ZNF471: variants seen among roughly 807,000 people sequenced by gnomAD.
ZNF471 encodes the protein EZFIT-related protein 1.
Under a neutral mutation model 13.7 loss-of-function variants are expected in ZNF471, and 7 were observed. The observed-to-expected ratio is 0.51, with a 90% confidence interval of 0.29 to 0.96. ZNF471 has a LOEUF of 0.96. ZNF471 is among the 40% of genes least tolerant of loss of function. The probability of loss-of-function intolerance (pLI) is 0.08; values close to 1 mark genes in which losing one functional copy is unlikely to be tolerated. For synonymous variants in ZNF471, 218 were observed against 235.6 expected (o/e 0.93, Z 0.68); for missense variants, 663 against 743.3 (o/e 0.89, Z 1.26).
intron 1 of ZNF471, chr19:56,509,716 TGTGTG>T (rs1568470642): frequency 1.0e-5 from 1 of 97,154 alleles, no homozygotes; most frequent in South Asian, 3.2e-4. Context: ...GCTTGCCTGG[TGTGTG>T]TGTGTGTGTG....
At position 56,528,214 on chromosome 19, in the gene ZNF471, T is replaced by G. The variant is rs567021559; in HGVS notation, c.*2266T>G. The G allele has an allele frequency of 6.6e-6, 1 of 152,320 alleles. No homozygotes were observed. The highest frequency in any genetic ancestry group is 1.9e-4 in the East Asian group (1 of 5,184). The allele number at this position is 152,320 out of a possible 1,614,324, so 9.4% of individuals were successfully genotyped here. ...TACAGCCACAGTGACCTTTCAAAAA[T>G]GCAAATTAAGTTACTCTTAAAACTC... is the stretch of plus-strand genomic sequence containing the variant. On this transcript the variant is annotated 3_prime_UTR_variant, in exon 5 of 5. Coordinates refer to ENST00000308031, the MANE Select transcript of ZNF471 (RefSeq NM_020813.4).
Position 56,516,154 on chromosome 19 carries a change from C to G in ZNF471, c.34-121C>G. 7 of 1,001,678 alleles carry G rather than the reference C, an allele frequency of 7.0e-6. No individual in the cohort carries two copies. Among genetic ancestry groups the G allele is most frequent in the Non-Finnish European group, 1.0e-5 (7 of 675,164 alleles). The allele number at this position is 1,001,678 out of a possible 1,614,324, so 62.0% of individuals were successfully genotyped here. On this transcript the variant is annotated intron_variant, in intron 2 of 4. Transcript: ENST00000308031. This position sits in a 1 kb window ranked among gnomAD's most constrained non-coding sequence, Gnocchi z 4.4. The stretch of plus-strand genomic sequence containing the variant: ...AAGTACTGTTTTGGCTTGGATCTTC[C>G]TATTTATGTTTTTTCTCTTCTATGA...
At position 56,522,043 on chromosome 19, in the gene ZNF471, T is replaced by C. The variant is rs1400673078; in HGVS notation, c.257-2281T>C. ...AAAATACCATTGTGCTTCAGTTGCC[T>C]ATAGTATTCAGTGGTAACATGTTGT... On this transcript the variant is annotated intron_variant, in intron 4 of 4. Transcript: ENST00000308031. This position sits in a 1 kb window ranked among gnomAD's most constrained non-coding sequence, Gnocchi z 4.1. 6.6e-6 allele frequency among the ~76,000 whole-genome samples: 1 copy of C among 152,222 alleles called. No individual in the cohort carries two copies. The highest frequency in any genetic ancestry group is 2.4e-5 in the African/African-American group (1 of 41,466).
At chr19:56,521,653 A>AC (rs35232885) in intron 4 of ZNF471, among the ~76,000 whole-genome samples, 1 of 90,406 alleles carries the variant, frequency 1.1e-5, no homozygotes, top group African/African-American at 4.1e-5. Flanking sequence ...AAAAAAAAAA[A>AC]AAAAAACTCT....
At chr19:56,517,849 T>C (rs2043914890) in intron 3 of ZNF471, among the ~76,000 whole-genome samples, 3 of 152,230 alleles carry the variant, frequency 2.0e-5, no homozygotes, top group African/African-American at 7.2e-5. Flanking sequence ...GATGTTATAT[T>C]TGTTAAATTA....
chr19:56,526,699 TAGGTGGTTTTCCCCTCAC>T lies in ZNF471; in HGVS notation c.*754_*771del, dbSNP rs1318850926. 2 of 152,192 alleles carry T rather than the reference TAGGTGGTTTTCCCCTCAC, an allele frequency of 1.3e-5. No individual in the cohort carries two copies. The highest frequency in any genetic ancestry group is 2.4e-5 in the African/African-American group (1 of 41,412). The allele number at this position is 152,192 out of a possible 1,614,324, so 9.4% of individuals were successfully genotyped here. A position where few individuals can be genotyped will look rare whatever the true frequency, so the allele number is the denominator to read the frequency against. On this transcript the variant is annotated 3_prime_UTR_variant, in exon 5 of 5. Coordinates refer to ENST00000308031, the MANE Select transcript of ZNF471 (RefSeq NM_020813.4). ...GCGCCAACCATTACCAAAGCTTGAATAGGTGGTTTTCCCCTCACAGCGTAAACAAAGCCATGGGGAAGT... is the reference window on the plus strand; with the variant it reads ...GCGCCAACCATTACCAAAGCTTGAATAGCGTAAACAAAGCCATGGGGAAGT...
intron 2 of ZNF471, among the ~76,000 whole-genome samples, chr19:56,513,992 T>C (rs1320712717): frequency 6.6e-6 from 1 of 151,986 alleles, no homozygotes; most frequent in Non-Finnish European, 1.5e-5. Flanking sequence ...TGAACCAATA[T>C]TGATATGTTA....
Position 56,516,191 on chromosome 19 carries a change from C to A in ZNF471, c.34-84C>A. The A allele has an allele frequency of 7.2e-7, 1 of 1,384,678 alleles. No individual in the cohort carries two copies. The highest frequency in any genetic ancestry group is 1.0e-6 in the Non-Finnish European group (1 of 994,604). The allele number at this position is 1,384,678 out of a possible 1,614,324, so 85.8% of individuals were successfully genotyped here. Reference sequence around the variant, plus strand: ...TTTCTCTTCTATGAGTTATTTCTCACCTAAAGTAGAGACACTTTGGATCAA... The same window carrying A: ...TTTCTCTTCTATGAGTTATTTCTCAACTAAAGTAGAGACACTTTGGATCAA... On this transcript the variant is annotated intron_variant, in intron 2 of 4. Coordinates refer to ENST00000308031, the MANE Select transcript of ZNF471 (RefSeq NM_020813.4). The surrounding 1 kb of genome is among the most constrained non-coding windows in gnomAD (Gnocchi z 4.4).
chr19:56,525,912 T>C lies in ZNF471; in HGVS notation c.1845T>C (p.Ile615=), dbSNP rs1339597841. The change falls in exon 5 of 5, where the codon ATT becomes ATC. Residue 615 remains isoleucine (I), a synonymous_variant. Transcript: ENST00000308031. The part of the protein sequence containing the change: ...GKAFRRKLSL[I]CHQRSHTGEE... ...CGTTCAGAAGAAAGTTATCCTTAAT[T>C]TGTCATCAAAGAAGTCATACTGGAG... 6.3e-7 allele frequency: 1 copy of C among 1,576,596 alleles called. No homozygotes were observed. The highest frequency in any genetic ancestry group is 1.2e-5 in the South Asian group (1 of 84,572).
chr19:56,518,872 A>G (rs1014986579), intron 4 of ZNF471, among the ~76,000 whole-genome samples: 2 of 152,146 alleles, frequency 1.3e-5, no homozygotes, highest in Non-Finnish European at 2.9e-5. Flanking sequence ...TCGCTTTGCC[A>G]TACAGACTTA....
chr19:56,525,240 T>TCTG lies in ZNF471; in HGVS notation c.1175_1177dup (p.Leu392dup), dbSNP rs1468233961. 6.2e-7 allele frequency: 1 copy of TCTG among 1,614,134 alleles called. No individual in the cohort carries two copies. Among genetic ancestry groups the TCTG allele is most frequent in the South Asian group, 1.1e-5 (1 of 91,078 alleles). On this transcript the variant is annotated inframe_insertion, in exon 5 of 5. Transcript: ENST00000308031. ...CCTTCAGTGTTCACATAGGACTTAT[T>TCTG]CTGCATAGGAGAATTCATACAGGAG...
chr19:56,511,637 G>T lies in ZNF471; in HGVS notation c.33+33G>T, dbSNP rs764424368. On this transcript the variant is annotated intron_variant, in intron 2 of 4. Transcript: ENST00000308031. ...GATATTTTCTTTCTCTTCATGAAAG[G>T]CAGTCTTGCTGTTTAGGACTTTTTG... is the stretch of plus-strand genomic sequence containing the variant. 1.9e-6 allele frequency: 3 copies of T among 1,555,926 alleles called. No homozygotes were observed. In the South Asian group the frequency reaches 3.3e-5, roughly 17 times the overall value.
intron 4 of ZNF471, among the ~76,000 whole-genome samples, chr19:56,521,405 G>A (rs8103599): frequency 2.0e-5 from 3 of 152,254 alleles, no homozygotes; most frequent in African/African-American, 7.2e-5. Flanking sequence ...TTGGGAGGCC[G>A]AGGCAGGCAG....
At chr19:56,509,714 GGTGTGTGTGTGTGTGTGTGT>G (rs34707423) in intron 1 of ZNF471, 9 of 178,330 alleles carry the variant, frequency 5.0e-5, no homozygotes, top group Admixed American at 1.4e-4. Context: ...TTGCTTGCCT[GGTGTGTGTGTGTGTGTGTGT>G]GTGTGTGTGT....
chr19:56,518,661 A>G, intron 4 of ZNF471, 84 bp downstream of exon 4: 2 of 1,155,998 alleles, frequency 1.7e-6, no homozygotes, highest in Non-Finnish European at 2.5e-6. Flanking sequence ...TCACTTATGC[A>G]TCTCAGAAAC....
In ZNF471 at chr19:56,527,964, A is replaced by G. The variant is rs918382589; in HGVS notation, c.*2016A>G. 1.3e-5 allele frequency: 2 copies of G among 152,162 alleles called. No homozygotes were observed. Among genetic ancestry groups the G allele is most frequent in the Non-Finnish European group, 2.9e-5 (2 of 68,148 alleles). 9.4% of individuals were successfully genotyped at this position (152,162 alleles called of 1,614,324 possible). A position where few individuals can be genotyped will look rare whatever the true frequency, so the allele number is the denominator to read the frequency against. ...ATTTCAATCATTACACAGGTGTCCA[A>G]CCTTTTGTCTTCCCTGGGCCACATT... On this transcript the variant is annotated 3_prime_UTR_variant, in exon 5 of 5. Transcript: ENST00000308031.
At chr19:56,513,829 T>A (rs2043841430) in intron 2 of ZNF471, among the ~76,000 whole-genome samples, 1 of 152,044 alleles carries the variant, frequency 6.6e-6, no homozygotes, top group East Asian at 1.9e-4. Context: ...GATGTCCTCC[T>A]CTTGAGAAGG....
chr19:56,517,717 A>G (rs917933478), intron 3 of ZNF471, among the ~76,000 whole-genome samples: 4 of 152,244 alleles, frequency 2.6e-5, no homozygotes, highest in Middle Eastern at 3.2e-3. Context: ...CTGGGATTAC[A>G]GGCGTAAGCC....
intron 2 of ZNF471, 50 bp downstream of exon 2, chr19:56,511,654 G>A: frequency 6.9e-7 from 1 of 1,456,766 alleles, no homozygotes; most frequent in Non-Finnish European, 9.5e-7. Flanking sequence ...TGCTGTTTAG[G>A]ACTTTTTGTA....
Sources: allele counts gnomAD v4.1 joint callset (sites outside exome capture counted in the v4.1 genomes callset), GRCh38; gene constraint gnomAD v4.1.1; non-coding constraint Gnocchi (gnomAD v3.1); transcripts MANE v1.5; gene names NCBI Gene and HGNC (gene_info 2026-07-23, HGNC 2026-07-21).